Variants in AK5 observed in about 807,000 individuals in gnomAD.
AK5 encodes the protein adenylate kinase 5, also known as adenylate kinase isoenzyme 5.
A neutral mutation model predicts 69.5 loss-of-function variants in AK5; 27 were observed. The observed-to-expected ratio is 0.39, with a 90% confidence interval of 0.29 to 0.54. The LOEUF (loss-of-function observed/expected upper bound fraction) is 0.54. Ranked by LOEUF, AK5 falls within the 20% of genes least tolerant of loss-of-function variation. AK5 has a pLI of 0.71. For synonymous variants in AK5, 260 were observed against 244.4 expected (o/e 1.06, Z -0.60); for missense variants, 531 against 700.4 (o/e 0.76, Z 2.73).
chr1:77,394,587 T>A (rs1648711523), intron 6 of AK5, among the ~76,000 whole-genome samples: 1 of 151,894 alleles, frequency 6.6e-6, no homozygotes, highest in Non-Finnish European at 1.5e-5. Flanking sequence ...AAGAGTCCTA[T>A]TTTACTGAAC....
chr1:77,401,145 A>G (rs1363692156), intron 6 of AK5, among the ~76,000 whole-genome samples: 2 of 152,130 alleles, frequency 1.3e-5, no homozygotes, highest in African/African-American at 2.4e-5. Flanking sequence ...AGTAGTCTCA[A>G]TGGTTGTTAC....
At chr1:77,399,960 C>A (rs1201365952) in intron 6 of AK5, among the ~76,000 whole-genome samples, 1 of 152,210 alleles carries the variant, frequency 6.6e-6, no homozygotes, top group Non-Finnish European at 1.5e-5. Context: ...CTCTTGCAGT[C>A]AACTTTGCCT....
intron 5 of AK5, among the ~76,000 whole-genome samples, chr1:77,310,068 A>G (rs1290853516): frequency 6.6e-6 from 1 of 152,114 alleles, no homozygotes; most frequent in Admixed American, 6.5e-5. Flanking sequence ...GTTTTGTTTT[A>G]AAGGTCCAGG....
At chr1:77,496,576 T>C (rs1656327806) in intron 10 of AK5, among the ~76,000 whole-genome samples, 1 of 152,142 alleles carries the variant, frequency 6.6e-6, no homozygotes, top group African/African-American at 2.4e-5. Context: ...GCAGAATCAA[T>C]GGACCATAAA....
intron 5 of AK5, among the ~76,000 whole-genome samples, chr1:77,305,741 A>C (rs1238024046): frequency 6.6e-6 from 1 of 152,112 alleles, no homozygotes; most frequent in African/African-American, 2.4e-5. Flanking sequence ...TTTGGTTACT[A>C]CAGCTCTGTA....
At chr1:77,433,619 T>A (rs936982378) in intron 8 of AK5, among the ~76,000 whole-genome samples, 3 of 152,154 alleles carry the variant, frequency 2.0e-5, no homozygotes, top group Non-Finnish European at 4.4e-5. Flanking sequence ...TTTGGAGGGA[T>A]CAGGTAGGAA....
At chr1:77,432,997 A>G (rs906136291) in intron 8 of AK5, among the ~76,000 whole-genome samples, 1 of 152,142 alleles carries the variant, frequency 6.6e-6, no homozygotes, top group Non-Finnish European at 1.5e-5. Context: ...TATCAGGTGG[A>G]TTGGTGAACT....
At chr1:77,282,887 G>T in intron 1 of AK5, 1 of 986,296 alleles carries the variant, frequency 1.0e-6, no homozygotes, top group Non-Finnish European at 1.2e-6. Context: ...GATGCAAAAA[G>T]CAAAACCCAA....
chr1:77,452,995 C>T (rs1653250198), intron 8 of AK5, among the ~76,000 whole-genome samples: 1 of 152,156 alleles, frequency 6.6e-6, no homozygotes. Context: ...ATATTTCATA[C>T]AGACTAAAAG....
rs910462106 is a variant in AK5 at position 77,324,996 on chromosome 1, G to A, written c.700-15381G>A. On this transcript the variant is annotated intron_variant, in intron 5 of 13. Coordinates refer to ENST00000354567, the MANE Select transcript of AK5 (RefSeq NM_174858.3). ...TACGAGCTACTTTTTTTTTTGAGAC[G>A]GAGGCTTGTTCTGTCATCCAGGCTG... Among the ~76,000 whole-genome samples the A allele has an allele frequency of 7.1e-4, 38 of 53,694 alleles. 1 individual carries two copies. The highest frequency in any genetic ancestry group is 2.0e-4 in the Non-Finnish European group (5 of 24,622). The allele number at this position is 53,694 out of a possible 152,430, so 35.2% of individuals were successfully genotyped here. A position where few individuals can be genotyped will look rare whatever the true frequency, so the allele number is the denominator to read the frequency against.
At chr1:77,484,812 ATAAG>A (rs1278209835) in intron 9 of AK5, among the ~76,000 whole-genome samples, 6 of 152,368 alleles carry the variant, frequency 3.9e-5, no homozygotes, top group Admixed American at 1.3e-4. Flanking sequence ...ATGTGTATAT[ATAAG>A]TATCTCCAAA....
chr1:77,543,231 G>A (rs1038776028), intron 13 of AK5, among the ~76,000 whole-genome samples: 10 of 152,170 alleles, frequency 6.6e-5, no homozygotes, highest in Admixed American at 1.3e-4. Flanking sequence ...ACATTTCACC[G>A]CTTGGTTGCA....
chr1:77,516,345 G>T (rs1223075438), intron 10 of AK5, among the ~76,000 whole-genome samples: 4 of 151,988 alleles, frequency 2.6e-5, no homozygotes, highest in Non-Finnish European at 5.9e-5. Flanking sequence ...GAGACCTCAT[G>T]TACAGCATGA....
At chr1:77,384,517 A>G (rs555267659) in intron 6 of AK5, among the ~76,000 whole-genome samples, 28 of 152,258 alleles carry the variant, frequency 1.8e-4, no homozygotes, top group African/African-American at 5.5e-4. Context: ...TCAGAAAGGG[A>G]CTCAGAAAAG....
chr1:77,505,925 A>G (rs889918432), intron 10 of AK5, among the ~76,000 whole-genome samples: 40 of 151,978 alleles, frequency 2.6e-4, no homozygotes, highest in Non-Finnish European at 8.8e-5. Flanking sequence ...GAAAAATAGA[A>G]AGGAGGAGGT....
At chr1:77,308,634 G>A (rs1424071031) in intron 5 of AK5, among the ~76,000 whole-genome samples, 1 of 151,996 alleles carries the variant, frequency 6.6e-6, no homozygotes, top group Non-Finnish European at 1.5e-5. Flanking sequence ...GTTTTTAAAA[G>A]GTTATAGAAT....
intron 13 of AK5, among the ~76,000 whole-genome samples, 188 bp from the exon 14 acceptor site, chr1:77,558,414 T>A (rs1660236755): frequency 6.7e-6 from 1 of 149,640 alleles, no homozygotes; most frequent in South Asian, 2.2e-4. Context: ...TAGTGGTACT[T>A]CATTGTTTTT....
At chr1:77,291,402 C>G (rs1216933254) in intron 2 of AK5, among the ~76,000 whole-genome samples, 1 of 152,114 alleles carries the variant, frequency 6.6e-6, no homozygotes, top group African/African-American at 2.4e-5. Context: ...ACTTTTTCTG[C>G]TCTTAGTCTT....
rs1215864380 is a variant in AK5 at position 77,484,141 on chromosome 1, C to T, written c.1102+782C>T. Reference sequence around the variant, plus strand: ...GTTTGCGTCATTGCACTCTTGGCGACAGAGTGAGACTACGTCTCAAAAAAA... The same window carrying T: ...GTTTGCGTCATTGCACTCTTGGCGATAGAGTGAGACTACGTCTCAAAAAAA... On this transcript the variant is annotated intron_variant, in intron 9 of 13. Transcript: ENST00000354567. Among the ~76,000 whole-genome samples the T allele has an allele frequency of 2.9e-5, 4 of 138,552 alleles. No homozygotes were observed. In the Admixed American group the frequency reaches 3.2e-4, roughly 11 times the overall value. 90.9% of individuals were successfully genotyped at this position (138,552 alleles called of 152,430 possible). A position where few individuals can be genotyped will look rare whatever the true frequency, so the allele number is the denominator to read the frequency against.
Sources: allele counts gnomAD v4.1 joint callset (sites outside exome capture counted in the v4.1 genomes callset), GRCh38; gene constraint gnomAD v4.1.1; transcripts MANE v1.5; gene names NCBI Gene and HGNC (gene_info 2026-07-23, HGNC 2026-07-21).